The following PTK2 variants were observed in gnomAD, a reference collection of about 807,000 sequenced individuals.
PTK2 encodes the protein protein tyrosine kinase 2, also known as focal adhesion kinase 1.
In PTK2, 45 loss-of-function variants were observed where a neutral mutation model predicts 150.1. The ratio of observed to expected loss-of-function variants is 0.30; its 90% confidence interval spans 0.24 to 0.38. The LOEUF (loss-of-function observed/expected upper bound fraction) is 0.38. PTK2 is among the 10% of genes least tolerant of loss of function. The probability of loss-of-function intolerance (pLI) is 1.00; values close to 1 mark genes in which losing one functional copy is unlikely to be tolerated. For synonymous variants in PTK2, 432 were observed against 449.2 expected, an observed-to-expected ratio of 0.96 and a Z score of 0.48; for missense variants, 919 against 1,307.3, an observed-to-expected ratio of 0.70 and a Z score of 4.58.
chr8:140,755,281 G>T (rs2100064971), intron 16 of PTK2, among the ~76,000 whole-genome samples: 2 of 152,274 alleles, frequency 1.3e-5, no homozygotes, highest in East Asian at 3.9e-4. Context: ...GTGCCAATCA[G>T]ATAAACTTCA....
chr8:140,936,226 A>T (rs191107545), intron 1 of PTK2, among the ~76,000 whole-genome samples: 1 of 152,314 alleles, frequency 6.6e-6, no homozygotes, highest in Non-Finnish European at 1.5e-5. Context: ...TAACTAATAA[A>T]ATCAATTGTG....
At chr8:140,840,692 C>G (rs1289189701) in intron 7 of PTK2, among the ~76,000 whole-genome samples, 2 of 152,064 alleles carry the variant, frequency 1.3e-5, no homozygotes, top group Non-Finnish European at 2.9e-5. Context: ...AAATACACAG[C>G]ACATGCACTC....
chr8:140,925,122 A>C (rs1301590119), intron 2 of PTK2, among the ~76,000 whole-genome samples: 2 of 152,206 alleles, frequency 1.3e-5, no homozygotes, highest in African/African-American at 4.8e-5. Flanking sequence ...AATTGTCATA[A>C]TTTTGTCTCT....
intron 1 of PTK2, chr8:140,940,670 A>C (rs1175404993): frequency 6.6e-6 from 1 of 152,220 alleles, no homozygotes; most frequent in East Asian, 1.9e-4. Flanking sequence ...GGCTTAAAAT[A>C]AAATTGTTTT....
At chr8:140,674,898 A>AAAAAGAAAAG (rs941946762) in intron 28 of PTK2, among the ~76,000 whole-genome samples, 3 of 150,114 alleles carry the variant, frequency 2.0e-5, no homozygotes. Context: ...ATTAAAAAAA[A>AAAAAGAAAAG]AAAAGAAAAG....
At chr8:140,812,287 A>C (rs1283102356) in intron 10 of PTK2, among the ~76,000 whole-genome samples, 1 of 152,252 alleles carries the variant, frequency 6.6e-6, no homozygotes, top group African/African-American at 2.4e-5. Context: ...AAATTTTATA[A>C]TTCCAGCCAA....
intron 12 of PTK2, 152 bp from the exon 13 acceptor site, chr8:140,793,536 A>G: frequency 1.4e-6 from 1 of 713,162 alleles, no homozygotes; most frequent in Non-Finnish European, 2.2e-6. Flanking sequence ...TTAGGTTCTC[A>G]TGGTTTTATT....
chr8:140,743,577 AAAG>A (rs2100056962), intron 19 of PTK2, among the ~76,000 whole-genome samples: 1 of 152,114 alleles, frequency 6.6e-6, no homozygotes, highest in Non-Finnish European at 1.5e-5. Context: ...GAATGATGGC[AAAG>A]TACATTCTAA....
At chr8:140,838,726 G>T (rs935489191) in intron 7 of PTK2, among the ~76,000 whole-genome samples, 2 of 152,132 alleles carry the variant, frequency 1.3e-5, no homozygotes, top group Non-Finnish European at 2.9e-5. Flanking sequence ...AAACTTCTAG[G>T]CCGGGCGCGG....
At chr8:140,694,191 C>G (rs1294625495) in intron 26 of PTK2, among the ~76,000 whole-genome samples, 1 of 152,016 alleles carries the variant, frequency 6.6e-6, no homozygotes, top group Non-Finnish European at 1.5e-5. Flanking sequence ...CAGGCACCTG[C>G]CACTACGCCC....
intron 2 of PTK2, among the ~76,000 whole-genome samples, chr8:140,909,784 T>C (rs2100162377): frequency 6.6e-6 from 1 of 152,166 alleles, no homozygotes; most frequent in Admixed American, 6.5e-5. Context: ...TAAACAGAAA[T>C]CCACTGAGAC....
At position 140,797,362 on chromosome 8, in the gene PTK2, CCT is replaced by C. The variant is rs766272757; in HGVS notation, c.1093+3095_1093+3096del. ...TATTATATGTGTCATAATATTTTCCCCTGTCATCATAGCTTTAAAAATGTTAC... is the reference window on the plus strand; with the variant it reads ...TATTATATGTGTCATAATATTTTCCCGTCATCATAGCTTTAAAAATGTTAC... On this transcript the variant is annotated intron_variant, in intron 12 of 31. Transcript: ENST00000522684. Among the ~76,000 whole-genome samples, 114 of 152,090 alleles carry C rather than the reference CCT, an allele frequency of 7.5e-4. 1 individual carries two copies. The highest frequency in any genetic ancestry group is 2.1e-3 in the East Asian group (11 of 5,188).
chr8:140,821,037 T>A (rs1166323708), intron 8 of PTK2: 2 of 152,210 alleles, frequency 1.3e-5, no homozygotes, highest in Non-Finnish European at 2.9e-5. Context: ...TCTGGGATAC[T>A]ACAGAAAGTG....
chr8:140,870,409 T>C (rs923045610), intron 4 of PTK2, among the ~76,000 whole-genome samples: 3 of 152,138 alleles, frequency 2.0e-5, no homozygotes, highest in African/African-American at 7.2e-5. Context: ...TCAGTAAACA[T>C]GAATGAATGA....
chr8:140,933,805 T>C lies in PTK2; in HGVS notation c.-121-8056A>G, dbSNP rs115515847. 7.4e-3 allele frequency among the ~76,000 whole-genome samples: 1,128 copies of C among 152,126 alleles called. 12 individuals are homozygous for C. Among genetic ancestry groups the C allele is most frequent in the African/African-American group, 0.025 (1,044 of 41,482 alleles). ...TTTGGGGTGAGGGAAATTTCTAAAA[T>C]TGATGGTGGTGATTGTACTCATTGT... On this transcript the variant is annotated intron_variant, in intron 1 of 31. Coordinates refer to ENST00000522684, the Ensembl canonical transcript of PTK2.
chr8:140,968,727 A>T (rs1479161251), intron 1 of PTK2, among the ~76,000 whole-genome samples: 1 of 152,258 alleles, frequency 6.6e-6, no homozygotes, highest in Non-Finnish European at 1.5e-5. Flanking sequence ...AACACAAGAC[A>T]ACTCTTCTAT....
At chr8:140,998,638 G>A (rs756783839) in intron 1 of PTK2, among the ~76,000 whole-genome samples, 10 of 151,918 alleles carry the variant, frequency 6.6e-5, no homozygotes, top group African/African-American at 1.7e-4. Context: ...CTAACACGGC[G>A]AAACCCCGTC....
chr8:140,828,841 A>G (rs189446601), intron 8 of PTK2, among the ~76,000 whole-genome samples: 4 of 152,242 alleles, frequency 2.6e-5, no homozygotes, highest in Non-Finnish European at 5.9e-5. Flanking sequence ...AGTATGGGCC[A>G]CCCACACCTA....
chr8:140,898,680 A>G (rs1001399245), intron 2 of PTK2, among the ~76,000 whole-genome samples: 4 of 152,188 alleles, frequency 2.6e-5, no homozygotes, highest in Admixed American at 6.5e-5. Flanking sequence ...AATGCAACGA[A>G]CATAATAAAC....
Sources: gnomAD v4.1 joint callset for allele counts (sites outside exome capture counted in the v4.1 genomes callset) on GRCh38, gnomAD v4.1.1 for gene constraint, MANE v1.5 for transcripts, NCBI Gene and HGNC (gene_info 2026-07-23, HGNC 2026-07-21) for gene names.